LPAR3: variants seen among roughly 807,000 people sequenced by gnomAD.
LPAR3 encodes the protein LPA receptor 3.
A neutral mutation model predicts 17.8 loss-of-function variants in LPAR3; 7 were observed. The observed-to-expected ratio is 0.39, with a 90% CI of 0.22 to 0.74. The LOEUF (loss-of-function observed/expected upper bound fraction) is 0.74. Among genes scored for constraint, LPAR3 ranks in the 30% least tolerant of loss-of-function variants. The pLI, the probability that LPAR3 is intolerant of heterozygous loss-of-function variation, is 0.40. For missense variants in LPAR3, 391 were observed against 453.4 expected (o/e 0.86, Z 1.25); for synonymous variants, 179 against 179.9 (o/e 0.99, Z 0.04).
At chr1:84,871,492 G>A (rs1660158220) in intron 1 of LPAR3, among the ~76,000 whole-genome samples, 1 of 152,214 alleles carries the variant, frequency 6.6e-6, no homozygotes, top group Non-Finnish European at 1.5e-5. Flanking sequence ...CTTCCTCCTA[G>A]AAAGAAGTAT....
chr1:84,883,706 C>A (rs1248694138), intron 1 of LPAR3, among the ~76,000 whole-genome samples: 1 of 151,870 alleles, frequency 6.6e-6, no homozygotes, highest in Non-Finnish European at 1.5e-5. Context: ...ATCCTTCTGG[C>A]CCAGGGATTT....
At chr1:84,841,497 G>A (rs1276112903) in intron 2 of LPAR3, among the ~76,000 whole-genome samples, 17 of 152,112 alleles carry the variant, frequency 1.1e-4, no homozygotes. Context: ...AAGCTTCTAT[G>A]TCTATACTTT....
At chr1:84,818,660 C>T (rs1313773727) in intron 2 of LPAR3, among the ~76,000 whole-genome samples, 1 of 152,156 alleles carries the variant, frequency 6.6e-6, no homozygotes, top group East Asian at 1.9e-4. Flanking sequence ...AAAGAAACTT[C>T]AAAGAACACT....
chr1:84,867,220 A>G (rs1660068361), intron 1 of LPAR3, among the ~76,000 whole-genome samples: 1 of 152,200 alleles, frequency 6.6e-6, no homozygotes, highest in Non-Finnish European at 1.5e-5. Context: ...GGTGGGGAAA[A>G]CCAAGTGTTC....
chr1:84,845,125 C>T (rs1659572412), intron 2 of LPAR3, among the ~76,000 whole-genome samples: 1 of 152,194 alleles, frequency 6.6e-6, no homozygotes, highest in Non-Finnish European at 1.5e-5. Context: ...TTATTTATTC[C>T]TGATCCATAA....
intron 2 of LPAR3, among the ~76,000 whole-genome samples, chr1:84,860,654 T>G (rs1659923178): frequency 6.6e-6 from 1 of 152,148 alleles, no homozygotes; most frequent in Non-Finnish European, 1.5e-5. Flanking sequence ...AGATACTGTT[T>G]AATAGACAGT....
chr1:84,891,784 C>G (rs1660556618), intron 1 of LPAR3, among the ~76,000 whole-genome samples: 1 of 152,136 alleles, frequency 6.6e-6, no homozygotes, highest in Non-Finnish European at 1.5e-5. Flanking sequence ...AAGTTGGAAC[C>G]GTGAGAAAGC....
rs570867534 is a variant in LPAR3 at position 84,890,141 on chromosome 1, A to G, written c.-19+2875T>C. Among the ~76,000 whole-genome samples the G allele has an allele frequency of 3.3e-5, 5 of 152,264 alleles. No individual in the cohort carries two copies. In the South Asian group the frequency reaches 1.0e-3, roughly 32 times the overall value. On this transcript the variant is annotated intron_variant, in intron 1 of 2. Transcript: ENST00000370611. ...GGACTGAGTTCCAGGTGACTCCTCC[A>G]CAAATACAGAATCCAGGATGAGGAA...
Position 84,825,541 on chromosome 1 carries a change from C to T in LPAR3, c.737-11370G>A, listed in dbSNP as rs1338576220. On this transcript the variant is annotated intron_variant, in intron 2 of 2. Coordinates refer to ENST00000370611, the MANE Select transcript of LPAR3 (RefSeq NM_012152.3). ...AAATGGACAGGAATGTTAAGAATCT[C>T]TCTGGTTGGGCATTATAGGAGGCGA... 2.6e-5 allele frequency among the ~76,000 whole-genome samples: 4 copies of T among 152,164 alleles called. 1 individual carries two copies. Among genetic ancestry groups the T allele is most frequent in the Admixed American group, 1.3e-4 (2 of 15,268 alleles).
intron 2 of LPAR3, among the ~76,000 whole-genome samples, chr1:84,837,361 C>CT (rs1659425819): frequency 6.6e-6 from 1 of 152,204 alleles, no homozygotes; most frequent in Admixed American, 6.5e-5. Flanking sequence ...AAATATCACA[C>CT]TTTAACTATT....
At chr1:84,821,065 A>G (rs1225706459) in intron 2 of LPAR3, among the ~76,000 whole-genome samples, 2 of 150,230 alleles carry the variant, frequency 1.3e-5, no homozygotes, top group Non-Finnish European at 3.0e-5. Context: ...AATGTACACT[A>G]TTTCTTACTG....
chr1:84,864,473 C>A (rs576711207), intron 2 of LPAR3, among the ~76,000 whole-genome samples: 48 of 152,306 alleles, frequency 3.2e-4, no homozygotes, highest in Non-Finnish European at 6.2e-4. Flanking sequence ...GCTATTGCCT[C>A]ATTACAGCAG....
At chr1:84,881,586 G>T (rs893133339) in intron 1 of LPAR3, among the ~76,000 whole-genome samples, 3 of 152,096 alleles carry the variant, frequency 2.0e-5, no homozygotes, top group African/African-American at 4.8e-5. Context: ...AACAAGGAAT[G>T]GTGACAAAAT....
At chr1:84,860,958 C>G (rs930369327) in intron 2 of LPAR3, among the ~76,000 whole-genome samples, 5 of 151,980 alleles carry the variant, frequency 3.3e-5, no homozygotes, top group Non-Finnish European at 7.4e-5. Context: ...AGGATGGTCT[C>G]AAACTCCTGA....
At chr1:84,882,128 C>T (rs776523733) in intron 1 of LPAR3, among the ~76,000 whole-genome samples, 61 of 152,278 alleles carry the variant, frequency 4.0e-4, no homozygotes, top group Admixed American at 1.0e-3. Flanking sequence ...TAAACTAATT[C>T]AGTAAAGTTG....
intron 2 of LPAR3, among the ~76,000 whole-genome samples, chr1:84,832,439 A>T (rs762737476): frequency 3.6e-4 from 55 of 152,210 alleles, no homozygotes; most frequent in Non-Finnish European, 6.2e-4. Flanking sequence ...TAAATGACAC[A>T]TATTGTATAA....
Position 84,887,225 on chromosome 1 carries a change from A to AT in LPAR3, c.-19+5790_-19+5791insA, listed in dbSNP as rs1397824126. The stretch of plus-strand genomic sequence containing the variant: ...CTCTACAAAAAATACAAAAAAAAAA[A>AT]AATAAGCCAGGTGTGGTAGTGTGCA... On this transcript the variant is annotated intron_variant, in intron 1 of 2. Coordinates refer to ENST00000370611, the MANE Select transcript of LPAR3 (RefSeq NM_012152.3). Among the ~76,000 whole-genome samples, 11 of 151,802 alleles carry AT rather than the reference A, an allele frequency of 7.2e-5. 1 individual carries two copies. The East Asian group carries it at 2.1e-3, about 29-fold the overall frequency.
At chr1:84,835,945 T>C (rs1164814540) in intron 2 of LPAR3, among the ~76,000 whole-genome samples, 1 of 144,092 alleles carries the variant, frequency 6.9e-6, no homozygotes, top group Non-Finnish European at 1.5e-5. Context: ...AAATGTAAAC[T>C]GAGTTAATTT....
At position 84,865,466 on chromosome 1, in the gene LPAR3, CGTT is replaced by C; in HGVS notation, c.652_654del (p.Asn218del). ...GACCCACTTGTATGCGGAGACAAGA[CGTT>C]GGTTTTCCTCTTGACGTACACGTAG... On this transcript the variant is annotated inframe_deletion, in exon 2 of 3. Coordinates refer to ENST00000370611, the MANE Select transcript of LPAR3 (RefSeq NM_012152.3). The C allele has an allele frequency of 6.2e-7, 1 of 1,614,138 alleles. No individual in the cohort carries two copies. Among genetic ancestry groups the C allele is most frequent in the Non-Finnish European group, 8.5e-7 (1 of 1,180,052 alleles).
Sources: allele counts gnomAD v4.1 joint callset (sites outside exome capture counted in the v4.1 genomes callset), GRCh38; gene constraint gnomAD v4.1.1; transcripts MANE v1.5; gene names NCBI Gene and HGNC (gene_info 2026-07-23, HGNC 2026-07-21).